Variants in MAPDA observed in about 807,000 individuals in gnomAD.
MAPDA encodes the protein N6,N6-dimethyl-AMP deaminase.
the MAPDA span, among the ~76,000 whole-genome samples, chr15:43,334,553 A>G: frequency 6.7e-6 from 1 of 148,252 alleles, no homozygotes; most frequent in Non-Finnish European, 1.5e-5. Context: ...ACTTGAACCC[A>G]GGAGATAGAG....
chr15:43,340,611 A>T, the MAPDA span, among the ~76,000 whole-genome samples: 1 of 152,268 alleles, frequency 6.6e-6, no homozygotes, highest in South Asian at 2.1e-4. Context: ...CTGTAACCAC[A>T]AACTCCTGGG....
the MAPDA span, chr15:43,346,072 G>A: frequency 2.0e-6 from 3 of 1,537,772 alleles, no homozygotes; most frequent in Non-Finnish European, 2.7e-6. Flanking sequence ...GCATTCTCCA[G>A]AGTGTCCAAC....
chr15:43,349,380 C>A, the MAPDA span: 2 of 920,352 alleles, frequency 2.2e-6, no homozygotes, highest in East Asian at 6.9e-5. Context: ...AAATATGTAA[C>A]ATTATTTAAA....
the MAPDA span, chr15:43,330,731 T>A: frequency 1.1e-5 from 5 of 439,408 alleles, no homozygotes; most frequent in Non-Finnish European, 2.0e-5. Context: ...GAGTTCCATT[T>A]GTCCCAGAAT....
the MAPDA span, chr15:43,332,160 A>G: frequency 1.3e-5 from 2 of 152,118 alleles, no homozygotes. Flanking sequence ...AAAAGAAGGA[A>G]TTTGCACCTG....
At chr15:43,330,562 A>C in the MAPDA span, 1 of 1,464,150 alleles carries the variant, frequency 6.8e-7, no homozygotes, top group Non-Finnish European at 9.0e-7. Flanking sequence ...CACCTCACGG[A>C]CCTCGGTAGG....
chr15:43,351,144 T>C, the MAPDA span: 1 of 1,159,464 alleles, frequency 8.6e-7, no homozygotes, highest in Admixed American at 2.0e-5. Context: ...CTGAGGATAA[T>C]GCCCAAGTAG....
At chr15:43,352,081 A>G in the MAPDA span, 1 of 801,962 alleles carries the variant, frequency 1.2e-6, no homozygotes, top group Non-Finnish European at 1.9e-6. Flanking sequence ...CACCTTACAC[A>G]TGGCAGGTAC....
chr15:43,354,246 C>G, the MAPDA span: 2 of 152,252 alleles, frequency 1.3e-5, no homozygotes, highest in African/African-American at 2.4e-5. Flanking sequence ...TCCGCTCAGA[C>G]TTTGTTTTAA....
At chr15:43,330,719 G>A in the MAPDA span, 8 of 453,274 alleles carry the variant, frequency 1.8e-5, no homozygotes, top group Admixed American at 3.1e-4. Flanking sequence ...TTGGAATGTC[G>A]TGAGTTCCAT....
chr15:43,336,982 A>T, the MAPDA span, among the ~76,000 whole-genome samples: 2 of 152,058 alleles, frequency 1.3e-5, no homozygotes, highest in Non-Finnish European at 2.9e-5. Flanking sequence ...TATATGAAAT[A>T]TTAGGGCTGG....
At chr15:43,341,161 T>C in the MAPDA span, among the ~76,000 whole-genome samples, 1 of 152,210 alleles carries the variant, frequency 6.6e-6, no homozygotes, top group Non-Finnish European at 1.5e-5. Context: ...GTCATCTTGT[T>C]TCCTGATATA....
chr15:43,351,828 G>A, the MAPDA span: 9 of 1,551,554 alleles, frequency 5.8e-6, no homozygotes, highest in Non-Finnish European at 7.8e-6. Flanking sequence ...ATTTGACCCA[G>A]TCTCAGGTGT....
the MAPDA span, chr15:43,335,180 CA>C: frequency 1.9e-6 from 3 of 1,612,948 alleles, no homozygotes; most frequent in South Asian, 3.3e-5. Flanking sequence ...GGTGAGAATT[CA>C]ACTACAGAAA....
chr15:43,349,931 C>T, the MAPDA span, among the ~76,000 whole-genome samples: 15 of 152,232 alleles, frequency 9.9e-5, no homozygotes, highest in African/African-American at 2.9e-4. Context: ...GTTTGTCATC[C>T]GTTAAACTGA....
At chr15:43,352,033 G>A in the MAPDA span, 3 of 1,347,256 alleles carry the variant, frequency 2.2e-6, no homozygotes, top group Non-Finnish European at 3.0e-6. Context: ...CCACTCCTTT[G>A]AAGCATAGCA....
At chr15:43,334,834 T>G in the MAPDA span, 24 of 335,268 alleles carry the variant, frequency 7.2e-5, no homozygotes, top group African/African-American at 4.6e-4. Flanking sequence ...TTTTCCCACC[T>G]TAGACACACT....
chr15:43,335,934 C>T, the MAPDA span: 2 of 1,385,330 alleles, frequency 1.4e-6, no homozygotes, highest in South Asian at 1.4e-5. Flanking sequence ...ATAGGGTTGG[C>T]ATGTGGTGTG....
chr15:43,334,661 A>ATATATATATATATATATATATT, the MAPDA span, among the ~76,000 whole-genome samples: 16 of 117,090 alleles, frequency 1.4e-4, no homozygotes, highest in Non-Finnish European at 3.5e-5. Context: ...ATATATATAT[A>ATATATATATATATATATATATT]TATTTTATCC....
Sources: gnomAD v4.1 joint callset for allele counts (sites outside exome capture counted in the v4.1 genomes callset) on GRCh38, gnomAD v4.1.1 for gene constraint, MANE v1.5 for transcripts, NCBI Gene and HGNC (gene_info 2026-07-23, HGNC 2026-07-21) for gene names.